The following BIN1 variants were observed in gnomAD, a reference collection of about 807,000 sequenced individuals.
BIN1 encodes the protein myc box-dependent-interacting protein 1.
Under a neutral mutation model 82.0 loss-of-function variants are expected in BIN1, and 53 were observed. That is an observed-to-expected ratio of 0.65 (90% CI 0.52 to 0.81). The LOEUF is 0.81. BIN1 is among the 40% of genes least tolerant of loss of function. The probability of loss-of-function intolerance (pLI) is 0.00; values close to 1 mark genes in which losing one functional copy is unlikely to be tolerated. For synonymous variants in BIN1, 302 were observed against 328.0 expected, an observed-to-expected ratio of 0.92 and a Z score of 0.86; for missense variants, 642 against 784.4, an observed-to-expected ratio of 0.82 and a Z score of 2.17.
intron 1 of BIN1, among the ~76,000 whole-genome samples, chr2:127,095,131 G>C (rs1015441230): frequency 6.6e-6 from 1 of 152,222 alleles, no homozygotes; most frequent in Non-Finnish European, 1.5e-5. Context: ...TTTGGGTCCT[G>C]TCCCAGGTTC....
Position 127,067,875 on chromosome 2 carries a change from C to T in BIN1, c.612+288G>A, listed in dbSNP as rs767680891. ...CAGAGGACAATGGCTCAAAGGCATTCCTGGACCACTAGGATTTCAGAGGAG... is the reference window on the plus strand; with the variant it reads ...CAGAGGACAATGGCTCAAAGGCATTTCTGGACCACTAGGATTTCAGAGGAG... On this transcript the variant is annotated intron_variant, in intron 7 of 18. Coordinates refer to ENST00000316724, the MANE Select transcript of BIN1 (RefSeq NM_139343.3). This position sits in a 1 kb window ranked among gnomAD's most constrained non-coding sequence, Gnocchi z 4.7. 1.2e-4 allele frequency among the ~76,000 whole-genome samples: 19 copies of T among 152,214 alleles called. No homozygotes were observed. The highest frequency in any genetic ancestry group is 1.0e-4 in the Non-Finnish European group (7 of 68,034).
Position 127,059,288 on chromosome 2 carries a change from G to T in BIN1, c.858-133C>A, listed in dbSNP as rs997456014. ...TGTGAAACTGTGTGTGTGTGTGTGT[G>T]TGTGTATGTGAGAGAGAGCAGGAGG... On this transcript the variant is annotated intron_variant, in intron 10 of 18. Transcript: ENST00000316724. The surrounding 1 kb of genome is among the most constrained non-coding windows in gnomAD (Gnocchi z 6.7). 5.9e-6 allele frequency: 6 copies of T among 1,012,548 alleles called. No homozygotes were observed. In the Admixed American group the frequency reaches 1.0e-4, roughly 17 times the overall value. 62.7% of individuals were successfully genotyped at this position (1,012,548 alleles called of 1,614,324 possible).
In BIN1 at chr2:127,069,045, A is replaced by T. The variant is rs1322997696; in HGVS notation, c.412-14T>A. 15 of 1,612,988 alleles carry T rather than the reference A, an allele frequency of 9.3e-6. No individual in the cohort carries two copies. The highest frequency in any genetic ancestry group is 1.3e-5 in the Non-Finnish European group (15 of 1,179,216). ...GGCAATGCGTGACTGGGGCAGACAG[A>T]GGAGGGCACTAAGCGGGGCCTGGCA... On this transcript the variant is annotated splice_polypyrimidine_tract_variant and intron_variant, in intron 5 of 18. Transcript: ENST00000316724.
intron 1 of BIN1, among the ~76,000 whole-genome samples, chr2:127,080,187 A>G (rs1020469237): frequency 6.6e-6 from 1 of 152,178 alleles, no homozygotes; most frequent in African/African-American, 2.4e-5. Flanking sequence ...ACAGGGAAAA[A>G]CAATCTGGGC....
At position 127,050,853 on chromosome 2, in the gene BIN1, C is replaced by T; in HGVS notation, c.1521G>A (p.Glu507=). The change falls in exon 17 of 19, where the codon GAG becomes GAA. Residue 507 remains glutamate, a synonymous_variant. Transcript: ENST00000316724. The part of the protein sequence containing the change: ...TFPATVNGTV[E]GGSGAGRLDL... Reference sequence around the variant, plus strand: ...CCAAGCGCCCGGCCCCACTGCCGCCCTCCACGGTGCCATTCACAGTTGCTG... The same window carrying T: ...CCAAGCGCCCGGCCCCACTGCCGCCTTCCACGGTGCCATTCACAGTTGCTG... 1 of 1,613,906 alleles carries T rather than the reference C, an allele frequency of 6.2e-7. No homozygotes were observed.
At chr2:127,060,703 C>T (rs1279175218) in intron 10 of BIN1, 4 of 1,599,010 alleles carry the variant, frequency 2.5e-6, no homozygotes, top group Non-Finnish European at 2.6e-6. Flanking sequence ...CAGAACTGGC[C>T]TGTCCCCTTC....
intron 7 of BIN1, among the ~76,000 whole-genome samples, chr2:127,066,139 G>A (rs1010420569): frequency 1.8e-4 from 27 of 152,292 alleles, no homozygotes; most frequent in Middle Eastern, 3.4e-3. Flanking sequence ...CCCAAGCAGG[G>A]CAGCCCCGGA....
intron 2 of BIN1, among the ~76,000 whole-genome samples, chr2:127,072,924 G>T (rs1175516817): frequency 6.6e-6 from 1 of 152,188 alleles, no homozygotes; most frequent in Non-Finnish European, 1.5e-5. Context: ...TTCATGATGG[G>T]ATGCTATCGT....
rs1342237869 is a variant in BIN1 at position 127,093,615 on chromosome 2, C to T, written c.84+13245G>A. Among the ~76,000 whole-genome samples the T allele has an allele frequency of 6.6e-6, 1 of 152,234 alleles. No homozygotes were observed. The highest frequency in any genetic ancestry group is 1.5e-5 in the Non-Finnish European group (1 of 68,036). On this transcript the variant is annotated intron_variant, in intron 1 of 18. Coordinates refer to ENST00000316724, the MANE Select transcript of BIN1 (RefSeq NM_139343.3). This position sits in a 1 kb window ranked among gnomAD's most constrained non-coding sequence, Gnocchi z 5.7. ...TATGTCTACACGGCTGTCCATTCCT[C>T]ACCAACTTATGTCTGAAAACAGACA...
intron 1 of BIN1, among the ~76,000 whole-genome samples, chr2:127,089,370 A>C (rs1678610272): frequency 6.6e-6 from 1 of 152,100 alleles, no homozygotes; most frequent in African/African-American, 2.4e-5. Flanking sequence ...GCGTGTACAC[A>C]CTTCAGGAGC....
Position 127,053,811 on chromosome 2 carries a change from C to T in BIN1, c.1239+94G>A, listed in dbSNP as rs1683279955. On this transcript the variant is annotated intron_variant, in intron 13 of 18. Coordinates refer to ENST00000316724, the MANE Select transcript of BIN1 (RefSeq NM_139343.3). Reference sequence around the variant, plus strand: ...GCCAGGGGAAGGGCAGTGACCCAGGCCTAGCTGGGGTCACGTGGCCAATAG... The same window carrying T: ...GCCAGGGGAAGGGCAGTGACCCAGGTCTAGCTGGGGTCACGTGGCCAATAG... 2.4e-6 allele frequency: 3 copies of T among 1,259,348 alleles called. No homozygotes were observed. In the East Asian group the frequency reaches 7.6e-5, roughly 32 times the overall value. The allele number at this position is 1,259,348 out of a possible 1,614,324, so 78.0% of individuals were successfully genotyped here. A position where few individuals can be genotyped will look rare whatever the true frequency, so the allele number is the denominator to read the frequency against.
rs753947988 is a variant in BIN1 at position 127,082,965 on chromosome 2, T to G, written c.85-6259A>C. On this transcript the variant is annotated intron_variant, in intron 1 of 18. Transcript: ENST00000316724. The surrounding 1 kb of genome is among the most constrained non-coding windows in gnomAD (Gnocchi z 6.1). Reference sequence around the variant, plus strand: ...ATGTGGCCCTCTCACCTCCTTATTTTCAAAGTATAAACCTCAAAGAAAGTG... The same window carrying G: ...ATGTGGCCCTCTCACCTCCTTATTTGCAAAGTATAAACCTCAAAGAAAGTG... Among the ~76,000 whole-genome samples, 5 of 151,926 alleles carry G rather than the reference T, an allele frequency of 3.3e-5. No homozygotes were observed. Among genetic ancestry groups the G allele is most frequent in the Non-Finnish European group, 7.4e-5 (5 of 67,990 alleles).
chr2:127,061,506 A>G (rs2104981054), intron 10 of BIN1, among the ~76,000 whole-genome samples: 1 of 152,306 alleles, frequency 6.6e-6, no homozygotes, highest in Non-Finnish European at 1.5e-5. Context: ...CATGGCCAGA[A>G]GGGAGGGGAA....
intron 8 of BIN1, 91 bp downstream of exon 8, chr2:127,063,842 G>GCAGGCTGGGCACCACAGCACA: frequency 6.5e-7 from 1 of 1,537,764 alleles, no homozygotes; most frequent in Non-Finnish European, 9.0e-7. Context: ...ACCGCAGCAC[G>GCAGGCTGGGCACCACAGCACA]CAGGCTGGGC....
intron 1 of BIN1, among the ~76,000 whole-genome samples, chr2:127,100,895 TC>T (rs1680226233): frequency 6.6e-6 from 1 of 151,602 alleles, no homozygotes; most frequent in African/African-American, 2.4e-5. Flanking sequence ...CATTTCGATT[TC>T]GTCTTCACCA....
At chr2:127,076,523 C>G in intron 2 of BIN1, 103 bp downstream of exon 2, 2 of 1,323,914 alleles carry the variant, frequency 1.5e-6, no homozygotes, top group South Asian at 2.3e-5. Context: ...CACTGATTAC[C>G]CTCCTCCAAG....
In BIN1 at chr2:127,068,670, T is replaced by C. The variant is rs1039488671; in HGVS notation, c.519+254A>G. 2.6e-5 allele frequency among the ~76,000 whole-genome samples: 4 copies of C among 152,084 alleles called. No homozygotes were observed. The highest frequency in any genetic ancestry group is 1.3e-4 in the Admixed American group (2 of 15,278). ...GTTCCAGGGAAACCCAGGAGGCCCA[T>C]TCTCAGGCTGGCAGGTGGCCTGGAT... is the stretch of plus-strand genomic sequence containing the variant. On this transcript the variant is annotated intron_variant, in intron 6 of 18. Coordinates refer to ENST00000316724, the MANE Select transcript of BIN1 (RefSeq NM_139343.3). The surrounding 1 kb of genome is among the most constrained non-coding windows in gnomAD (Gnocchi z 4.9).
chr2:127,105,062 G>A (rs967881830), intron 1 of BIN1, among the ~76,000 whole-genome samples: 3 of 152,232 alleles, frequency 2.0e-5, no homozygotes, highest in Admixed American at 6.5e-5. Context: ...AGGGGCTCAA[G>A]AGAGAGGGAT....
intron 2 of BIN1, among the ~76,000 whole-genome samples, 190 bp downstream of exon 2, chr2:127,076,436 C>A (rs1020846466): frequency 7.3e-6 from 1 of 136,928 alleles, no homozygotes; most frequent in Non-Finnish European, 1.5e-5. Flanking sequence ...AGCATACATA[C>A]CCCATCCCTC....
Sources: allele counts gnomAD v4.1 joint callset (sites outside exome capture counted in the v4.1 genomes callset), GRCh38; gene constraint gnomAD v4.1.1; non-coding constraint Gnocchi (gnomAD v3.1); transcripts MANE v1.5; gene names NCBI Gene and HGNC (gene_info 2026-07-23, HGNC 2026-07-21).